The following PDE2A variants were observed in gnomAD, a reference collection of about 807,000 sequenced individuals.
PDE2A encodes cGMP-dependent 3',5'-cyclic phosphodiesterase.
PDE2A carries 53 observed loss-of-function variants against 133.6 expected under a neutral mutation model. The observed-to-expected ratio is 0.40, with a 90% CI of 0.32 to 0.50. The LOEUF (loss-of-function observed/expected upper bound fraction) is 0.50, where lower values mean the gene tolerates loss of function less well. Among genes scored for constraint, PDE2A ranks in the 20% least tolerant of loss-of-function variants. PDE2A has a pLI of 0.73. For missense variants in PDE2A, 796 were observed against 1,232.4 expected, an observed-to-expected ratio of 0.65 and a Z score of 5.30; for synonymous variants, 491 against 490.2, an observed-to-expected ratio of 1.00 and a Z score of -0.02.
chr11:72,636,057 A>G (rs1378051712), intron 2 of PDE2A: 1 of 1,274,642 alleles, frequency 7.8e-7, no homozygotes, highest in Admixed American at 2.3e-5. Flanking sequence ...GATGGGAGGC[A>G]TGCAAGGCCA....
At chr11:72,623,228 T>C (rs964353687) in intron 2 of PDE2A, among the ~76,000 whole-genome samples, 2 of 152,024 alleles carry the variant, frequency 1.3e-5, no homozygotes, top group African/African-American at 4.8e-5. Flanking sequence ...CACAGCACAA[T>C]CTTCCGGTTC....
Position 72,577,111 on chromosome 11 carries a change from A to G in PDE2A, c.*273T>C, listed in dbSNP as rs1855503292. The G allele has an allele frequency of 2.5e-6, 1 of 397,888 alleles. No individual in the cohort carries two copies. The highest frequency in any genetic ancestry group is 4.0e-5 in the Admixed American group (1 of 25,052). The allele number at this position is 397,888 out of a possible 1,614,324, so 24.6% of individuals were successfully genotyped here. On this transcript the variant is annotated 3_prime_UTR_variant, in exon 31 of 31. Transcript: ENST00000334456. ...AAGAATGGCTTGGGAAAGACTTGCC[A>G]AGGTGTGGTCAGAGGTGCAGAGTAG...
intron 2 of PDE2A, among the ~76,000 whole-genome samples, chr11:72,610,648 A>G (rs541766602): frequency 1.3e-5 from 2 of 152,286 alleles, no homozygotes; most frequent in Non-Finnish European, 2.9e-5. Flanking sequence ...TCATGGGAAG[A>G]TGTCTACCCT....
At chr11:72,595,967 C>A (rs1856461314) in intron 6 of PDE2A, among the ~76,000 whole-genome samples, 1 of 152,102 alleles carries the variant, frequency 6.6e-6, no homozygotes, top group Admixed American at 6.5e-5. Flanking sequence ...CCCACTAACA[C>A]TCCTTCCTCA....
chr11:72,662,753 C>T (rs1201920718), intron 1 of PDE2A, among the ~76,000 whole-genome samples: 1 of 152,194 alleles, frequency 6.6e-6, no homozygotes, highest in Non-Finnish European at 1.5e-5. Flanking sequence ...ATGCAACTCA[C>T]ATGTCCTTGG....
At position 72,579,112 on chromosome 11, in the gene PDE2A, A is replaced by T. The variant is rs796768639; in HGVS notation, c.2357-103T>A. The T allele has an allele frequency of 1.8e-5, 18 of 987,912 alleles. No individual in the cohort carries two copies. The African/African-American group carries it at 2.4e-4, about 13-fold the overall frequency. 61.2% of individuals were successfully genotyped at this position (987,912 alleles called of 1,614,324 possible). ...CCCAGAGCGGTCCAGGGAATTGGGC[A>T]CCCTTGATGGGAGCCAAGGGGCCAG... On this transcript the variant is annotated intron_variant, in intron 27 of 30. Transcript: ENST00000334456.
intron 2 of PDE2A, among the ~76,000 whole-genome samples, chr11:72,634,860 C>A (rs341051): frequency 8.7e-4 from 132 of 152,252 alleles, no homozygotes; most frequent in Middle Eastern, 3.4e-3. Context: ...GCTGATGGGA[C>A]CCCACTGGCT....
chr11:72,582,653 C>T (rs530590804), intron 20 of PDE2A, 87 bp from the exon 21 acceptor site: 1 of 1,349,596 alleles, frequency 7.4e-7, no homozygotes, highest in African/African-American at 1.4e-5. Context: ...GGTGGGGGAT[C>T]CGTCACCCAG....
intron 2 of PDE2A, among the ~76,000 whole-genome samples, chr11:72,624,467 C>G (rs1035759215): frequency 6.6e-6 from 1 of 152,226 alleles, no homozygotes; most frequent in Non-Finnish European, 1.5e-5. Flanking sequence ...CCCACTTCCA[C>G]ACACTTGCTA....
At chr11:72,655,285 C>T (rs1012297399) in intron 1 of PDE2A, among the ~76,000 whole-genome samples, 1 of 150,150 alleles carries the variant, frequency 6.7e-6, no homozygotes, top group African/African-American at 2.5e-5. Context: ...CTCCCCTTTC[C>T]ACTGCCTGGA....
At chr11:72,586,045 G>C in intron 14 of PDE2A, 25 bp downstream of exon 14, 1 of 1,368,600 alleles carries the variant, frequency 7.3e-7, no homozygotes. Context: ...CGGTGCCCGA[G>C]AGAGGCTGAA....
At chr11:72,656,159 C>G (rs551775940) in intron 1 of PDE2A, among the ~76,000 whole-genome samples, 6 of 152,274 alleles carry the variant, frequency 3.9e-5, no homozygotes, top group African/African-American at 9.6e-5. Context: ...GGGAGAGCCA[C>G]GAGGGGGGCC....
At position 72,597,143 on chromosome 11, in the gene PDE2A, CAG is replaced by C. The variant is rs1355097380; in HGVS notation, c.433+365_433+366del. 2.6e-5 allele frequency among the ~76,000 whole-genome samples: 4 copies of C among 152,096 alleles called. No homozygotes were observed. The highest frequency in any genetic ancestry group is 4.4e-5 in the Non-Finnish European group (3 of 68,022). ...AGAGAAATAGGGCCAATGACAGTGA[CAG>C]AGAGAATGTGAGAACAACTACAGCC... On this transcript the variant is annotated intron_variant, in intron 5 of 30. Coordinates refer to ENST00000334456, the MANE Select transcript of PDE2A (RefSeq NM_002599.5). The surrounding 1 kb of genome is among the most constrained non-coding windows in gnomAD (Gnocchi z 4.6).
chr11:72,597,488 CTGCCCA>C lies in PDE2A; in HGVS notation c.433+16_433+21del, dbSNP rs2135327816. Reference sequence around the variant, plus strand: ...TCCCTCCCTGCCCCTGCCCCTGCCCCTGCCCAGCCCCTAGCCCTTACCTTGGGTATC... The same window carrying C: ...TCCCTCCCTGCCCCTGCCCCTGCCCCGCCCCTAGCCCTTACCTTGGGTATC... On this transcript the variant is annotated intron_variant, in intron 5 of 30. Transcript: ENST00000334456. This position sits in a 1 kb window ranked among gnomAD's most constrained non-coding sequence, Gnocchi z 4.6. 1.5e-6 allele frequency: 2 copies of C among 1,311,668 alleles called. No homozygotes were observed. Among genetic ancestry groups the C allele is most frequent in the Non-Finnish European group, 2.1e-6 (2 of 950,074 alleles). The allele number at this position is 1,311,668 out of a possible 1,614,324, so 81.3% of individuals were successfully genotyped here.
chr11:72,643,480 A>G, intron 1 of PDE2A: 1 of 152,336 alleles, frequency 6.6e-6, no homozygotes, highest in Non-Finnish European at 1.5e-5. Context: ...TCTCCCTCAC[A>G]GGACGGCCAG....
intron 4 of PDE2A, among the ~76,000 whole-genome samples, chr11:72,601,768 C>T (rs1313351175): frequency 1.3e-5 from 2 of 152,168 alleles, no homozygotes; most frequent in African/African-American, 2.4e-5. Flanking sequence ...TTCAGGAAGA[C>T]CCTGGCCCAG....
At chr11:72,591,019 G>C (rs1591032927) in intron 7 of PDE2A, 1 of 449,090 alleles carries the variant, frequency 2.2e-6, no homozygotes, top group African/African-American at 2.0e-5. Flanking sequence ...CCATCAAAAA[G>C]TCGAAAATTG....
At chr11:72,583,865 G>A (rs556115560) in intron 19 of PDE2A, among the ~76,000 whole-genome samples, 74 of 152,304 alleles carry the variant, frequency 4.9e-4, no homozygotes, top group African/African-American at 1.8e-3. Flanking sequence ...CAGAGCGCCA[G>A]TAGGCCTGGA....
intron 1 of PDE2A, among the ~76,000 whole-genome samples, chr11:72,664,642 G>A (rs533878453): frequency 1.3e-5 from 2 of 151,750 alleles, no homozygotes; most frequent in African/African-American, 4.8e-5. Context: ...CAAAGTACTG[G>A]GATTACAGGT....
Sources: gnomAD v4.1 joint callset for allele counts (sites outside exome capture counted in the v4.1 genomes callset) on GRCh38, gnomAD v4.1.1 for gene constraint, Gnocchi (gnomAD v3.1) non-coding constraint, MANE v1.5 for transcripts, NCBI Gene and HGNC (gene_info 2026-07-23, HGNC 2026-07-21) for gene names.